MED27: variants seen among roughly 807,000 people sequenced by gnomAD.
MED27 encodes mediator of RNA polymerase II transcription subunit 27.
A neutral mutation model predicts 38.2 loss-of-function variants in MED27; 30 were observed. The ratio of observed to expected loss-of-function variants is 0.79; its 90% CI spans 0.59 to 1.07. The LOEUF is 1.07. Among genes scored for constraint, MED27 ranks in the 50% least tolerant of loss-of-function variants. The probability of loss-of-function intolerance (pLI) is 0.00; values close to 1 mark genes in which losing one functional copy is unlikely to be tolerated. For missense variants in MED27, 289 were observed against 397.5 expected (o/e 0.73, Z 2.32); for synonymous variants, 122 against 153.5 (o/e 0.79, Z 1.52).
intron 3 of MED27, among the ~76,000 whole-genome samples, chr9:131,946,077 G>C (rs1162048062): frequency 2.0e-5 from 3 of 151,802 alleles, no homozygotes; most frequent in African/African-American, 7.3e-5. Flanking sequence ...TAAATGACAA[G>C]ATTTCCTTCT....
chr9:131,893,949 C>A lies in MED27; in HGVS notation c.617G>T (p.Ser206Ile), dbSNP rs1457174247. ...KVLKVIVVMR[S>I]LFIDRTIVKG... Reference sequence around the variant, plus strand: ...TACTATTGTTCGATCAATGAACAGGCTCCGCATGACGACGATCACTTTCAA... The same window carrying A: ...TACTATTGTTCGATCAATGAACAGGATCCGCATGACGACGATCACTTTCAA... The change falls in exon 5 of 8, where the codon AGC becomes ATC. Residue 206 changes from serine (S) to isoleucine (I), a missense_variant. Coordinates refer to ENST00000292035, the MANE Select transcript of MED27 (RefSeq NM_004269.4). 1.2e-6 allele frequency: 2 copies of A among 1,614,170 alleles called. No homozygotes were observed. The highest frequency in any genetic ancestry group is 2.2e-5 in the South Asian group (2 of 91,084).
chr9:131,989,405 AG>A (rs1379448269), intron 3 of MED27, among the ~76,000 whole-genome samples: 18 of 152,190 alleles, frequency 1.2e-4, no homozygotes, highest in African/African-American at 4.1e-4. Context: ...GTGTCTTGAG[AG>A]GCTTCGGCAA....
rs1173059881 is a variant in MED27, at chr9:131,945,433, G to T, written c.480-5959C>A. ...CCTCACATATTTAGCATTTTTGTGT[G>T]TGTGTGGTAAGAACACCTAAAATCT... is the stretch of plus-strand genomic sequence containing the variant. On this transcript the variant is annotated intron_variant, in intron 3 of 7. Transcript: ENST00000292035. 2.6e-5 allele frequency among the ~76,000 whole-genome samples: 4 copies of T among 152,082 alleles called. No individual in the cohort carries two copies. The East Asian group carries it at 7.7e-4, about 29-fold the overall frequency.
In MED27 at chr9:132,021,995, C is replaced by T. The variant is rs1481744939; in HGVS notation, c.349-7528G>A. ...GTTTGTTGTTTACCCCAGTCTATGG[C>T]ATTTTATTACAGTGGCCTAAACTAA... On this transcript the variant is annotated intron_variant, in intron 2 of 7. Coordinates refer to ENST00000292035, the MANE Select transcript of MED27 (RefSeq NM_004269.4). Among the ~76,000 whole-genome samples, 3 of 152,218 alleles carry T rather than the reference C, an allele frequency of 2.0e-5. No homozygotes were observed. In the South Asian group the frequency reaches 6.2e-4, roughly 32 times the overall value.
At chr9:131,928,181 G>C (rs1830516384) in intron 4 of MED27, among the ~76,000 whole-genome samples, 1 of 152,068 alleles carries the variant, frequency 6.6e-6, no homozygotes, top group African/African-American at 2.4e-5. Flanking sequence ...TCACAACTCA[G>C]GTGGCTCTTA....
In MED27 at chr9:132,079,633, G is replaced by C. The variant is rs1199374040; in HGVS notation, c.203+9C>G. 1.9e-6 allele frequency: 3 copies of C among 1,611,860 alleles called. No homozygotes were observed. The highest frequency in any genetic ancestry group is 2.5e-6 in the Non-Finnish European group (3 of 1,179,628). On this transcript the variant is annotated intron_variant, in intron 1 of 7. Transcript: ENST00000292035. ...GTCCCCGACCCCGGCCCCTTCAGCC[G>C]GTACCTACTTGAGGTCCCGGTTGAC...
At chr9:131,907,597 G>GC (rs1241167499) in intron 4 of MED27, among the ~76,000 whole-genome samples, 1 of 152,132 alleles carries the variant, frequency 6.6e-6, no homozygotes, top group Non-Finnish European at 1.5e-5. Context: ...GCCTGCCTTG[G>GC]CCCCCCAAAG....
At chr9:131,879,801 C>G (rs1255635226) in intron 6 of MED27, among the ~76,000 whole-genome samples, 2 of 152,224 alleles carry the variant, frequency 1.3e-5, no homozygotes, top group Admixed American at 1.3e-4. Flanking sequence ...CAAACAGCGT[C>G]TTTCTGGGAA....
intron 3 of MED27, among the ~76,000 whole-genome samples, chr9:131,963,648 A>G (rs957269453): frequency 6.6e-6 from 1 of 152,164 alleles, no homozygotes; most frequent in Non-Finnish European, 1.5e-5. Flanking sequence ...TATTTTTATG[A>G]GTATCTTTTT....
At chr9:131,907,385 T>C (rs1425243137) in intron 4 of MED27, among the ~76,000 whole-genome samples, 1 of 151,976 alleles carries the variant, frequency 6.6e-6, no homozygotes, top group Non-Finnish European at 1.5e-5. Context: ...GCCTGACTGG[T>C]TTTCGTATTT....
intron 2 of MED27, among the ~76,000 whole-genome samples, chr9:132,044,030 T>G (rs1193508120): frequency 6.6e-6 from 1 of 152,186 alleles, no homozygotes; most frequent in Non-Finnish European, 1.5e-5. Flanking sequence ...ATTTATATAA[T>G]AAATGTGTTA....
At chr9:131,953,286 T>A (rs1443304597) in intron 3 of MED27, among the ~76,000 whole-genome samples, 1 of 152,230 alleles carries the variant, frequency 6.6e-6, no homozygotes, top group Non-Finnish European at 1.5e-5. Context: ...CCCTGGCACC[T>A]CCAAACTGTA....
chr9:132,034,662 A>G (rs1564333700), intron 2 of MED27, among the ~76,000 whole-genome samples: 1 of 152,090 alleles, frequency 6.6e-6, no homozygotes, highest in Non-Finnish European at 1.5e-5. Context: ...CTCCTCAGCA[A>G]TCTCATGTAA....
intron 3 of MED27, among the ~76,000 whole-genome samples, chr9:131,957,874 T>A (rs1352368201): frequency 6.7e-6 from 1 of 148,508 alleles, no homozygotes; most frequent in Non-Finnish European, 1.5e-5. Flanking sequence ...AGCCCAGGAA[T>A]TCAAGACGAC....
intron 2 of MED27, among the ~76,000 whole-genome samples, chr9:132,038,985 G>T (rs1833145180): frequency 6.6e-6 from 1 of 152,200 alleles, no homozygotes; most frequent in African/African-American, 2.4e-5. Flanking sequence ...CCATGGCAGG[G>T]CTACGACAAG....
intron 1 of MED27, 97 bp from the exon 2 acceptor site, chr9:132,077,683 A>C: frequency 8.0e-7 from 1 of 1,248,418 alleles, no homozygotes; most frequent in Non-Finnish European, 1.1e-6. Flanking sequence ...CAAACCATCC[A>C]TCAGAAGTCC....
chr9:132,030,477 G>T (rs1486656887), intron 2 of MED27, among the ~76,000 whole-genome samples: 3 of 152,138 alleles, frequency 2.0e-5, no homozygotes, highest in Non-Finnish European at 4.4e-5. Flanking sequence ...TTTCTTTTCA[G>T]GAGCTTCGTG....
At chr9:131,974,453 T>C (rs35820700) in intron 3 of MED27, among the ~76,000 whole-genome samples, 7,251 of 152,312 alleles carry the variant, frequency 0.048, 215 homozygotes, top group Admixed American at 0.07. Context: ...GAACTTTTAA[T>C]GATCCCAGGA....
chr9:132,042,914 A>G (rs959389347), intron 2 of MED27, among the ~76,000 whole-genome samples: 3 of 152,108 alleles, frequency 2.0e-5, no homozygotes, highest in South Asian at 2.1e-4. Context: ...ACCTTTGCCA[A>G]CTCTAGCTAT....
Sources: gnomAD v4.1 joint callset for allele counts (sites outside exome capture counted in the v4.1 genomes callset) on GRCh38, gnomAD v4.1.1 for gene constraint, MANE v1.5 for transcripts, NCBI Gene and HGNC (gene_info 2026-07-23, HGNC 2026-07-21) for gene names.